Variants in SLC7A2 observed in about 807,000 individuals in gnomAD.
The protein encoded by SLC7A2 is cationic amino acid transporter 2.
SLC7A2 carries 48 observed loss-of-function variants against 58.9 expected under a neutral mutation model. The ratio of observed to expected loss-of-function variants is 0.82; its 90% CI spans 0.65 to 1.04. SLC7A2 has a LOEUF of 1.04. Ranked by LOEUF, SLC7A2 falls within the 50% of genes least tolerant of loss-of-function variation. SLC7A2 has a pLI of 0.00. For missense variants in SLC7A2, 1,029 were observed against 818.8 expected (o/e 1.26, Z -3.13); for synonymous variants, 363 against 314.5 (o/e 1.15, Z -1.63).
intron 2 of SLC7A2, among the ~76,000 whole-genome samples, chr8:17,513,267 C>T (rs1962772): frequency 0.51 from 77,700 of 151,976 alleles, 21,783 homozygotes; most frequent in Non-Finnish European, 0.63. Flanking sequence ...TTTACATTAC[C>T]GTGGACACAA....
intron 2 of SLC7A2, among the ~76,000 whole-genome samples, chr8:17,528,782 A>G (rs1423356832): frequency 6.6e-6 from 1 of 152,150 alleles, no homozygotes; most frequent in Non-Finnish European, 1.5e-5. Context: ...AATTACTTGA[A>G]GGAGAAGACT....
At chr8:17,518,258 A>G (rs1377522628) in intron 2 of SLC7A2, among the ~76,000 whole-genome samples, 1 of 151,580 alleles carries the variant, frequency 6.6e-6, no homozygotes, top group Admixed American at 6.6e-5. Flanking sequence ...AAAGGAAACA[A>G]TATTCTGCAA....
chr8:17,500,381 T>G (rs1254758978), intron 1 of SLC7A2: 1 of 152,208 alleles, frequency 6.6e-6, no homozygotes, highest in Non-Finnish European at 1.5e-5. Flanking sequence ...AGCTCTTGTT[T>G]TAGAAGTGGT....
rs569934125 is a variant in SLC7A2, at chr8:17,554,788, T to C, written c.1195+89T>C. 5,425 of 1,473,896 alleles carry C rather than the reference T, an allele frequency of 3.7e-3. 14 individuals are homozygous for C. Among genetic ancestry groups the C allele is most frequent in the Non-Finnish European group, 4.6e-3 (5,070 of 1,096,362 alleles). 91.3% of individuals were successfully genotyped at this position (1,473,896 alleles called of 1,614,324 possible). On this transcript the variant is annotated intron_variant, in intron 8 of 12. Coordinates refer to ENST00000494857, the MANE Select transcript of SLC7A2 (RefSeq NM_001370338.1). ...AAATACAAAGCTAGGTGGTTTTCTT[T>C]TTTGATTTCCAAGAAGTTCAGTCAC...
chr8:17,555,163 C>T, intron 8 of SLC7A2: 1 of 1,301,618 alleles, frequency 7.7e-7, no homozygotes, highest in Non-Finnish European at 1.1e-6. Context: ...AGAGGGTCTG[C>T]ATGCTGTGCA....
Position 17,554,589 on chromosome 8 carries a change from G to A in SLC7A2, c.1085G>A (p.Arg362His), listed in dbSNP as rs571673083. 34 of 1,607,274 alleles carry A rather than the reference G, an allele frequency of 2.1e-5. No homozygotes were observed. The highest frequency in any genetic ancestry group is 1.9e-4 in the African/African-American group (14 of 74,662). ...SLLGSIFPMP[R>H]VIYAMAEDGL... ...CTTGGATCCATTTTCCCAATGCCTC[G>A]TGTAATCTATGCTATGGCGGAGGAT... is the stretch of plus-strand genomic sequence containing the variant. The change falls in exon 8 of 13, where the codon CGT (arginine) becomes CAT (histidine). Residue 362 changes from arginine (R) to histidine (H), a missense_variant. By Grantham distance (29) the Arg-to-His change is conservative (BLOSUM62 0). Transcript: ENST00000494857.
intron 2 of SLC7A2, 101 bp from the exon 3 acceptor site, chr8:17,543,217 A>AACACAC (rs1243072765): frequency 1.0e-5 from 8 of 774,792 alleles, no homozygotes; most frequent in Non-Finnish European, 1.5e-5. Flanking sequence ...CACACACACA[A>AACACAC]ACACACACAC....
intron 10 of SLC7A2, among the ~76,000 whole-genome samples, chr8:17,560,923 A>T (rs1292840374): frequency 6.6e-6 from 1 of 152,200 alleles, no homozygotes; most frequent in Non-Finnish European, 1.5e-5. Flanking sequence ...TTACGTAATC[A>T]TTCATTCATA....
In SLC7A2 at chr8:17,561,961, C is replaced by G; in HGVS notation, c.1522C>G (p.Leu508Val). ...CCCTGCAGCTTTCCTCGTGTTGGGC[C>G]TGAGTGTCTTGACCACTTACGGAGT... The part of the protein sequence containing the change: ...VGFLAFLVLG[L>V]SVLTTYGVHA... Residue 508 changes from leucine (L) to valine (V), a missense_variant, in exon 11 of 13, where the codon CTG (leucine) becomes GTG (valine). Physicochemically the swap from Leu to Val is conservative, Grantham distance 32 (BLOSUM62 1). Transcript: ENST00000494857. The G allele has an allele frequency of 6.2e-7, 1 of 1,614,148 alleles. No homozygotes were observed. Among genetic ancestry groups the G allele is most frequent in the Non-Finnish European group, 8.5e-7 (1 of 1,180,034 alleles).
intron 2 of SLC7A2, among the ~76,000 whole-genome samples, chr8:17,510,136 C>A (rs915169512): frequency 2.6e-5 from 4 of 152,048 alleles, no homozygotes; most frequent in African/African-American, 9.7e-5. Context: ...AGGAGCATCG[C>A]TTGAACCTGG....
chr8:17,563,832 T>G, intron 12 of SLC7A2, 121 bp downstream of exon 12: 1 of 660,630 alleles, frequency 1.5e-6, no homozygotes, highest in South Asian at 2.0e-5. Flanking sequence ...TCCTAATTCT[T>G]AGGGATGTCC....
At chr8:17,559,282 A>G (rs543162794) in intron 9 of SLC7A2, among the ~76,000 whole-genome samples, 30 of 152,326 alleles carry the variant, frequency 2.0e-4, no homozygotes, top group African/African-American at 7.2e-4. Flanking sequence ...TCAAGGAAAG[A>G]AGTTTAATTG....
At chr8:17,515,620 A>T (rs1409199119) in intron 2 of SLC7A2, among the ~76,000 whole-genome samples, 1 of 151,876 alleles carries the variant, frequency 6.6e-6, no homozygotes, top group Non-Finnish European at 1.5e-5. Flanking sequence ...AAGGATGGGG[A>T]TGTTGAGTGG....
rs1263590473 is a variant in SLC7A2 at position 17,569,160 on chromosome 8, T to C, written c.*4014T>C. ...TTCCGAGATTACAGAACATCACACC[T>C]TGGCGTGATGAAATCATGCCAAGAT... On this transcript the variant is annotated 3_prime_UTR_variant, in exon 13 of 13. Coordinates refer to ENST00000494857, the MANE Select transcript of SLC7A2 (RefSeq NM_001370338.1). 6.6e-6 allele frequency: 1 copy of C among 152,132 alleles called. No homozygotes were observed. The highest frequency in any genetic ancestry group is 1.9e-4 in the East Asian group (1 of 5,180). 9.4% of individuals were successfully genotyped at this position (152,132 alleles called of 1,614,324 possible).
In SLC7A2 at chr8:17,568,276, CA is replaced by C; in HGVS notation, c.*3134del. ...AAAACAATAATTTGTGAATTACCAC[CA>C]AAAGGCAATGGCAGTCCTACATTTA... On this transcript the variant is annotated 3_prime_UTR_variant, in exon 13 of 13. Coordinates refer to ENST00000494857, the MANE Select transcript of SLC7A2 (RefSeq NM_001370338.1). The C allele has an allele frequency of 6.6e-6, 1 of 151,872 alleles. No homozygotes were observed. Among genetic ancestry groups the C allele is most frequent in the East Asian group, 1.9e-4 (1 of 5,164 alleles). The allele number at this position is 151,872 out of a possible 1,614,324, so 9.4% of individuals were successfully genotyped here.
intron 2 of SLC7A2, among the ~76,000 whole-genome samples, chr8:17,535,701 G>A (rs574252315): frequency 2.6e-5 from 4 of 152,278 alleles, no homozygotes; most frequent in Middle Eastern, 3.4e-3. Context: ...TAGGGAGTTC[G>A]AAACCAGCCT....
intron 4 of SLC7A2, 73 bp from the exon 5 acceptor site, chr8:17,548,605 G>C: frequency 2.9e-6 from 3 of 1,049,096 alleles, no homozygotes; most frequent in East Asian, 2.4e-5. Flanking sequence ...ATATCCTAAA[G>C]TCATGTATTT....
intron 8 of SLC7A2, among the ~76,000 whole-genome samples, chr8:17,556,247 CAA>C (rs1250250507): frequency 6.6e-6 from 1 of 151,884 alleles, no homozygotes; most frequent in Non-Finnish European, 1.5e-5. Flanking sequence ...TATTTTTTGA[CAA>C]AGAGTCATAC....
chr8:17,548,049 C>T (rs758299937), intron 4 of SLC7A2, among the ~76,000 whole-genome samples: 23 of 152,192 alleles, frequency 1.5e-4, no homozygotes, highest in African/African-American at 3.6e-4. Flanking sequence ...TTTAAAAGTT[C>T]GCAACTGGGC....
Sources: gnomAD v4.1 joint callset for allele counts (sites outside exome capture counted in the v4.1 genomes callset) on GRCh38, gnomAD v4.1.1 for gene constraint, MANE v1.5 for transcripts, NCBI Gene and HGNC (gene_info 2026-07-23, HGNC 2026-07-21) for gene names.